Variants in CC2D2B observed in about 807,000 individuals in gnomAD.
CC2D2B encodes protein CC2D2B.
Under a neutral mutation model 161.2 loss-of-function variants are expected in CC2D2B, and 128 were observed. The ratio of observed to expected loss-of-function variants is 0.79; its 90% CI spans 0.69 to 0.92. The LOEUF (loss-of-function observed/expected upper bound fraction) is 0.92, where lower values mean the gene tolerates loss of function less well. CC2D2B is among the 40% of genes least tolerant of loss of function. The pLI is 0.00. For synonymous variants in CC2D2B, 391 were observed against 449.8 expected, an observed-to-expected ratio of 0.87 and a Z score of 1.65; for missense variants, 1,173 against 1,375.1, an observed-to-expected ratio of 0.85 and a Z score of 2.32.
intron 5 of CC2D2B, among the ~76,000 whole-genome samples, chr10:95,926,280 GA>G (rs2098538275): frequency 6.6e-6 from 1 of 152,106 alleles, no homozygotes; most frequent in African/African-American, 2.4e-5. Flanking sequence ...TGGCTTCTAA[GA>G]AACACGATCC....
At chr10:96,026,575 A>T (rs2079787453) in intron 33 of CC2D2B, among the ~76,000 whole-genome samples, 1 of 152,134 alleles carries the variant, frequency 6.6e-6, no homozygotes, top group South Asian at 2.1e-4. Flanking sequence ...GAAGAGTAGG[A>T]ATGTCAACCC....
chr10:95,961,599 G>C (rs908223489), intron 11 of CC2D2B: 2 of 316,440 alleles, frequency 6.3e-6, no homozygotes, highest in African/African-American at 4.3e-5. Flanking sequence ...TTTTAGCAGG[G>C]CACTTTTGAA....
At chr10:95,967,915 G>A (rs568183838) in intron 14 of CC2D2B, among the ~76,000 whole-genome samples, 29 of 152,188 alleles carry the variant, frequency 1.9e-4, no homozygotes, top group African/African-American at 5.3e-4. Context: ...TTCAACTTAG[G>A]GTTTATCTTC....
chr10:96,025,352 GTGAGGC>G (rs1165405336), intron 33 of CC2D2B, among the ~76,000 whole-genome samples: 1 of 131,208 alleles, frequency 7.6e-6, no homozygotes, highest in Non-Finnish European at 1.6e-5. Context: ...GGGCAACAGA[GTGAGGC>G]CTTGCAAAAA....
rs556915476 is a variant in CC2D2B, at chr10:95,985,440, G to A, written c.2286+1631G>A. 1.9e-4 allele frequency among the ~76,000 whole-genome samples: 29 copies of A among 152,244 alleles called. No homozygotes were observed. In the South Asian group the frequency reaches 5.4e-3, roughly 28 times the overall value. ...ATAATTTCTTACGCCTGTCTTTACT[G>A]CAATCTCTTAACATAAATTGTGAAG... On this transcript the variant is annotated intron_variant, in intron 19 of 34. Transcript: ENST00000646931.
At chr10:96,022,047 G>T (rs550836663) in intron 32 of CC2D2B, among the ~76,000 whole-genome samples, 50 of 152,200 alleles carry the variant, frequency 3.3e-4, no homozygotes, top group African/African-American at 1.2e-3. Flanking sequence ...GCTGGGTGCG[G>T]TGGCTCACGC....
In CC2D2B at chr10:95,938,874, A is replaced by G. The variant is rs1389346863; in HGVS notation, c.750A>G (p.Leu250=). 2 of 714,938 alleles carry G rather than the reference A, an allele frequency of 2.8e-6. No individual in the cohort carries two copies. The highest frequency in any genetic ancestry group is 5.2e-6 in the Non-Finnish European group (2 of 384,164). 44.3% of individuals were successfully genotyped at this position (714,938 alleles called of 1,614,324 possible). The change falls in exon 9 of 35, where the codon CTA becomes CTG. Residue 250 remains leucine, a synonymous_variant. Transcript: ENST00000646931. ...TPIKQSWNFR[L]NVRKEPLNPL... ...TTAAACAGTCATGGAATTTCAGACTAAATGTAAGGAAGGAACCTTTAAATC... is the reference window on the plus strand; with the variant it reads ...TTAAACAGTCATGGAATTTCAGACTGAATGTAAGGAAGGAACCTTTAAATC...
chr10:95,965,981 A>G lies in CC2D2B; in HGVS notation c.1336A>G (p.Asn446Asp). 1 of 1,197,516 alleles carries G rather than the reference A, an allele frequency of 8.4e-7. No homozygotes were observed. The highest frequency in any genetic ancestry group is 1.0e-6 in the Non-Finnish European group (1 of 956,636). 74.2% of individuals were successfully genotyped at this position (1,197,516 alleles called of 1,614,324 possible). ...GAAAAATGAAGGAAAAGAACTTAAG[A>G]ATGGGAAAAAACTGGAGGTATTTAT... The part of the protein sequence containing the change: ...EKKNEGKELK[N>D]GKKLESLSYL... The change falls in exon 13 of 35, where the codon AAT (asparagine) becomes GAT (aspartate). Residue 446 changes from asparagine (N) to aspartate (D), a missense_variant. By Grantham distance (23) the Asn-to-Asp change is conservative. Around this residue, in one of 3 missense-constraint regions of CC2D2B, gnomAD observed 277 missense variants for 420.6 expected, o/e 0.66. Coordinates refer to ENST00000646931, the MANE Select transcript of CC2D2B (RefSeq NM_001349008.3).
In CC2D2B at chr10:96,033,648, GGTAGCAAGT is replaced by G. The variant is rs1377478464; in HGVS notation, c.*1643_*1651del. Among the ~76,000 whole-genome samples, 1 of 151,984 alleles carries G rather than the reference GGTAGCAAGT, an allele frequency of 6.6e-6. No homozygotes were observed. Among genetic ancestry groups the G allele is most frequent in the Non-Finnish European group, 1.5e-5 (1 of 67,988 alleles). On this transcript the variant is annotated 3_prime_UTR_variant, in exon 35 of 35. Transcript: ENST00000646931. ...GAATTGATAGACTGCTTAAGAGTAG[GGTAGCAAGT>G]GTTCATAGGAAAGCATGGAGGACCT...
At chr10:95,921,317 C>T (rs1053611501) in intron 2 of CC2D2B, 4 of 152,262 alleles carry the variant, frequency 2.6e-5, no homozygotes, top group African/African-American at 9.7e-5. Context: ...AATGCAAAGT[C>T]CCCCAATCAC....
intron 17 of CC2D2B, among the ~76,000 whole-genome samples, chr10:95,975,118 C>T (rs565629310): frequency 1.2e-4 from 18 of 152,276 alleles, no homozygotes; most frequent in African/African-American, 3.4e-4. Flanking sequence ...TGGGAACTCT[C>T]TGTGCCTTTT....
Position 95,922,069 on chromosome 10 carries a change from C to G in CC2D2B, c.90C>G (p.Leu30=). Residue 30 remains leucine, a synonymous_variant, in exon 3 of 35, where the codon CTC becomes CTG. Transcript: ENST00000646931. ...CTGAAGAAATTATAGACAAGCATCT[C>G]CAAAAAGGTTCTCAATAAGTATACC... ...ITAEEIIDKH[L]QKDLDAEENQ... 1 of 1,514,944 alleles carries G rather than the reference C, an allele frequency of 6.6e-7. No individual in the cohort carries two copies. Among genetic ancestry groups the G allele is most frequent in the South Asian group, 1.2e-5 (1 of 81,860 alleles). The allele number at this position is 1,514,944 out of a possible 1,614,324, so 93.8% of individuals were successfully genotyped here.
rs1209292988 is a variant in CC2D2B at position 95,926,848 on chromosome 10, CTGTG to C, written c.241-366_241-363del. Among the ~76,000 whole-genome samples the C allele has an allele frequency of 8.3e-4, 89 of 106,960 alleles. 1 individual carries two copies. The highest frequency in any genetic ancestry group is 2.1e-3 in the South Asian group (7 of 3,288). 70.2% of individuals were successfully genotyped at this position (106,960 alleles called of 152,430 possible). Reference sequence around the variant, plus strand: ...TGTGTGTGTGTGTGTGTGTGTGTGTCTGTGTGTGTGTGTGTGTGTGTGTGTGCGC... The same window carrying C: ...TGTGTGTGTGTGTGTGTGTGTGTGTCTGTGTGTGTGTGTGTGTGTGTGCGC... On this transcript the variant is annotated intron_variant, in intron 5 of 34. Coordinates refer to ENST00000646931, the MANE Select transcript of CC2D2B (RefSeq NM_001349008.3).
At chr10:95,980,350 A>G (rs1263521009) in intron 17 of CC2D2B, among the ~76,000 whole-genome samples, 1 of 152,188 alleles carries the variant, frequency 6.6e-6, no homozygotes, top group Non-Finnish European at 1.5e-5. Context: ...TGAGATTTGT[A>G]TTACTTTCTC....
At chr10:95,964,049 C>T (rs1274252791) in intron 12 of CC2D2B, among the ~76,000 whole-genome samples, 4 of 152,136 alleles carry the variant, frequency 2.6e-5, no homozygotes. Flanking sequence ...CTTATATTGT[C>T]TTCACTTGTG....
intron 28 of CC2D2B, 35 bp downstream of exon 28, chr10:96,012,764 A>G (rs1048676619): frequency 2.4e-5 from 30 of 1,258,422 alleles, no homozygotes; most frequent in Non-Finnish European, 3.0e-5. Flanking sequence ...CTTCATTGTG[A>G]TTAAAGGGCA....
intron 10 of CC2D2B, among the ~76,000 whole-genome samples, chr10:95,953,748 A>G (rs1047300036): frequency 3.9e-5 from 6 of 152,154 alleles, no homozygotes; most frequent in Non-Finnish European, 4.4e-5. Flanking sequence ...CGATGATATT[A>G]TCAACAACCC....
intron 25 of CC2D2B, 102 bp downstream of exon 25, chr10:96,004,350 C>T: frequency 3.2e-6 from 2 of 622,428 alleles, no homozygotes; most frequent in Admixed American, 3.1e-5. Flanking sequence ...GATGCAATGT[C>T]TACATCCAAC....
chr10:96,012,991 G>C (rs902389908), intron 28 of CC2D2B, among the ~76,000 whole-genome samples: 7 of 152,080 alleles, frequency 4.6e-5, no homozygotes, highest in Admixed American at 6.6e-5. Context: ...TATCCAAGGA[G>C]GTAATAGTGC....
Sources: allele counts gnomAD v4.1 joint callset (sites outside exome capture counted in the v4.1 genomes callset), GRCh38; gene constraint gnomAD v4.1.1; regional missense constraint gnomAD v4.1.1; transcripts MANE v1.5; gene names NCBI Gene and HGNC (gene_info 2026-07-23, HGNC 2026-07-21).